SGCD: variants seen among roughly 807,000 people sequenced by gnomAD.
The protein encoded by SGCD is sarcoglycan delta, also known as delta-sarcoglycan.
SGCD carries 18 observed loss-of-function variants against 36.6 expected under a neutral mutation model. That is an observed-to-expected ratio of 0.49 (90% CI 0.34 to 0.73). SGCD has a LOEUF of 0.73. Among genes scored for constraint, SGCD ranks in the 30% least tolerant of loss-of-function variants. The pLI is 0.01. For missense variants in SGCD, 387 were observed against 346.7 expected, an observed-to-expected ratio of 1.12 and a Z score of -0.92; for synonymous variants, 133 against 130.6, an observed-to-expected ratio of 1.02 and a Z score of -0.12.
intron 1 of SGCD, among the ~76,000 whole-genome samples, chr5:155,892,009 A>C (rs549469716): frequency 6.6e-6 from 1 of 152,260 alleles, no homozygotes; most frequent in Non-Finnish European, 1.5e-5. Flanking sequence ...GGGGACTAAA[A>C]GGTTAGTCGG....
intron 1 of SGCD, among the ~76,000 whole-genome samples, chr5:155,982,538 C>T (rs962029357): frequency 2.6e-5 from 4 of 152,170 alleles, no homozygotes; most frequent in African/African-American, 9.7e-5. Flanking sequence ...GATCTGGACA[C>T]TGTCCCTCGC....
chr5:155,959,588 G>C (rs1009669256), intron 1 of SGCD, among the ~76,000 whole-genome samples: 4 of 152,214 alleles, frequency 2.6e-5, no homozygotes, highest in Admixed American at 2.6e-4. Context: ...GAATTTTGGT[G>C]AGATGCCTTT....
At chr5:156,006,817 A>T (rs936675648) in intron 1 of SGCD, among the ~76,000 whole-genome samples, 2 of 152,132 alleles carry the variant, frequency 1.3e-5, no homozygotes, top group Admixed American at 6.5e-5. Context: ...CAGTCTAATC[A>T]CTCAAAATAC....
chr5:155,964,452 C>T (rs1299024676), intron 1 of SGCD, among the ~76,000 whole-genome samples: 1 of 151,974 alleles, frequency 6.6e-6, no homozygotes, highest in Non-Finnish European at 1.5e-5. Flanking sequence ...GATTCTCCTC[C>T]CTCAGCCTCC....
intron 6 of SGCD, among the ~76,000 whole-genome samples, chr5:156,645,340 G>A (rs1763187639): frequency 1.3e-5 from 2 of 152,236 alleles, no homozygotes; most frequent in South Asian, 4.1e-4. Context: ...TCATCCTGAA[G>A]GATGTTTGTC....
chr5:156,517,025 T>A (rs1269452242), intron 4 of SGCD, among the ~76,000 whole-genome samples: 1 of 151,962 alleles, frequency 6.6e-6, no homozygotes, highest in African/African-American at 2.4e-5. Context: ...ACAAAACAGG[T>A]GGGTAATAAC....
chr5:156,605,041 T>C (rs1047816866), intron 6 of SGCD, among the ~76,000 whole-genome samples: 1 of 151,514 alleles, frequency 6.6e-6, no homozygotes, highest in Admixed American at 6.6e-5. Flanking sequence ...TTTTTTTCTC[T>C]TGTGTGTGTG....
intron 3 of SGCD, among the ~76,000 whole-genome samples, chr5:156,204,724 A>T (rs1764233154): frequency 6.6e-6 from 1 of 152,130 alleles, no homozygotes; most frequent in South Asian, 2.1e-4. Context: ...GGGGCACATT[A>T]TGTAACTGGT....
At chr5:156,094,445 C>T (rs1344351040) in intron 1 of SGCD, among the ~76,000 whole-genome samples, 2 of 152,134 alleles carry the variant, frequency 1.3e-5, no homozygotes, top group South Asian at 2.1e-4. Context: ...ACTGGGATCC[C>T]GATTATGCAA....
intron 1 of SGCD, among the ~76,000 whole-genome samples, chr5:156,099,021 G>T (rs1761451349): frequency 6.6e-6 from 1 of 152,146 alleles, no homozygotes; most frequent in Non-Finnish European, 1.5e-5. Context: ...GAAGGGATGT[G>T]ACCACCTGGG....
intron 7 of SGCD, among the ~76,000 whole-genome samples, chr5:156,712,512 C>T (rs968379935): frequency 5.3e-5 from 8 of 152,054 alleles, no homozygotes; most frequent in East Asian, 1.9e-4. Flanking sequence ...AGGTAGGAAC[C>T]GTTGTTTGCA....
chr5:156,351,347 A>C (rs965499646), intron 3 of SGCD, among the ~76,000 whole-genome samples: 2 of 152,186 alleles, frequency 1.3e-5, no homozygotes, highest in African/African-American at 4.8e-5. Context: ...ACAGAAAGTC[A>C]TGAGAGACCC....
intron 1 of SGCD, among the ~76,000 whole-genome samples, chr5:156,072,982 C>G (rs1463190861): frequency 1.3e-5 from 2 of 152,196 alleles, no homozygotes; most frequent in African/African-American, 4.8e-5. Context: ...TCAGCTCCAT[C>G]AGCTCCTTTA....
intron 2 of SGCD, among the ~76,000 whole-genome samples, chr5:156,339,791 A>G (rs567725769): frequency 1.3e-5 from 2 of 152,346 alleles, no homozygotes; most frequent in Non-Finnish European, 2.9e-5. Context: ...ACATGAATAT[A>G]TACTTAGAAT....
At chr5:156,029,248 A>G (rs937073308) in intron 1 of SGCD, among the ~76,000 whole-genome samples, 12 of 152,210 alleles carry the variant, frequency 7.9e-5, no homozygotes, top group African/African-American at 2.9e-4. Context: ...GGACTAAGTA[A>G]CAAAAAATGG....
intron 3 of SGCD, among the ~76,000 whole-genome samples, chr5:156,394,896 T>A (rs1771766985): frequency 1.3e-5 from 2 of 152,228 alleles, no homozygotes; most frequent in African/African-American, 2.4e-5. Context: ...CATATAGTCT[T>A]TTGAGAATTC....
intron 6 of SGCD, among the ~76,000 whole-genome samples, chr5:156,642,802 A>T (rs1472221576): frequency 1.3e-5 from 2 of 151,728 alleles, no homozygotes; most frequent in South Asian, 4.2e-4. Flanking sequence ...CCCAACTGTG[A>T]AGCGTTTCCA....
intron 3 of SGCD, among the ~76,000 whole-genome samples, chr5:156,402,760 G>A (rs1772220897): frequency 6.6e-6 from 1 of 152,168 alleles, no homozygotes; most frequent in Admixed American, 6.5e-5. Context: ...GCTCTCTGCA[G>A]GGGAAAGTCC....
chr5:155,742,600 A>G, the SGCD span, among the ~76,000 whole-genome samples: 1 of 152,212 alleles, frequency 6.6e-6, no homozygotes, highest in East Asian at 1.9e-4. Context: ...AGACGTTACA[A>G]GCCTCAACGT....
Sources: allele counts gnomAD v4.1 joint callset (sites outside exome capture counted in the v4.1 genomes callset), GRCh38; gene constraint gnomAD v4.1.1; transcripts MANE v1.5; gene names NCBI Gene and HGNC (gene_info 2026-07-23, HGNC 2026-07-21).